The following UNC93A variants were observed in gnomAD, a reference collection of about 807,000 sequenced individuals.
UNC93A encodes unc-93 homolog A.
Under a neutral mutation model 47.5 loss-of-function variants are expected in UNC93A, and 43 were observed. That is an observed-to-expected ratio of 0.91 (90% CI 0.71 to 1.17). The LOEUF is 1.17. Among genes scored for constraint, UNC93A ranks in the 50% most tolerant of loss-of-function variants. The pLI, the probability that UNC93A is intolerant of heterozygous loss-of-function variation, is 0.00. For synonymous variants in UNC93A, 280 were observed against 258.0 expected (o/e 1.09, Z -0.82); for missense variants, 605 against 577.6 (o/e 1.05, Z -0.49).
Position 167,305,962 on chromosome 6 carries a change from G to C in UNC93A, c.888G>C (p.Met296Ile). Residue 296 changes from methionine (M) to isoleucine (I), a missense_variant, in exon 6 of 8, where the codon ATG becomes ATC. By Grantham distance (10) the Met-to-Ile change is conservative. Coordinates refer to ENST00000230256, the MANE Select transcript of UNC93A (RefSeq NM_018974.4). ...GCATCCAGTTCGTCGGCTACGTGATGATCTGCTTCTCGGCCACTGACGCGC... is the reference window on the plus strand; with the variant it reads ...GCATCCAGTTCGTCGGCTACGTGATCATCTGCTTCTCGGCCACTGACGCGC... ...TLGIQFVGYVMICFSATDALC... is the reference protein window; with the variant it reads ...TLGIQFVGYVIICFSATDALC... 1 of 1,614,198 alleles carries C rather than the reference G, an allele frequency of 6.2e-7. No individual in the cohort carries two copies. Among genetic ancestry groups the C allele is most frequent in the Non-Finnish European group, 8.5e-7 (1 of 1,180,050 alleles).
chr6:167,276,172 A>T (rs1783540158), intron 1 of UNC93A, among the ~76,000 whole-genome samples: 1 of 151,634 alleles, frequency 6.6e-6, no homozygotes, highest in Non-Finnish European at 1.5e-5. Flanking sequence ...TCATGTGGCC[A>T]CAATGACAGG....
Position 167,296,095 on chromosome 6 carries a change from G to A in UNC93A, c.333G>A (p.Gln111=). 1 of 1,614,240 alleles carries A rather than the reference G, an allele frequency of 6.2e-7. No homozygotes were observed. The highest frequency in any genetic ancestry group is 8.5e-7 in the Non-Finnish European group (1 of 1,180,050). The change falls in exon 3 of 8, where the codon CAG becomes CAA. Residue 111 remains glutamine (Q), a synonymous_variant. Coordinates refer to ENST00000230256, the MANE Select transcript of UNC93A (RefSeq NM_018974.4). ...GLGAAPLWSA[Q]CTYLTITGNT... is the part of the protein sequence containing the mutation. Reference sequence around the variant, plus strand: ...GGGCCGCCCCGCTGTGGTCTGCACAGTGCACATACCTCACGATCACGGGAA... The same window carrying A: ...GGGCCGCCCCGCTGTGGTCTGCACAATGCACATACCTCACGATCACGGGAA...
In UNC93A at chr6:167,315,350, G is replaced by C. The variant is rs148062483; in HGVS notation, c.1272G>C (p.Ala424=). ...LLGVLSLTMV[A]YGLVECVESK... Reference sequence around the variant, plus strand: ...GGGTCCTGAGCCTGACCATGGTGGCGTATGGGCTTGTGGAGTGCGTGGAGT... The same window carrying C: ...GGGTCCTGAGCCTGACCATGGTGGCCTATGGGCTTGTGGAGTGCGTGGAGT... The change falls in exon 8 of 8, where the codon GCG becomes GCC. Residue 424 remains alanine, a synonymous_variant. Transcript: ENST00000230256. 1.2e-6 allele frequency: 2 copies of C among 1,613,930 alleles called. No individual in the cohort carries two copies. The highest frequency in any genetic ancestry group is 1.7e-6 in the Non-Finnish European group (2 of 1,179,872).
rs34534324 is a variant in UNC93A at position 167,307,846 on chromosome 6, A to T, written c.1044A>T (p.Ala348=). ...GGAGACCTCGTGCTGACCATCTGGC[A>T]GTGTTCTTCGTATTCTCTGGCCTGT... ...LLWRPRADHL[A]VFFVFSGLWG... The change falls in exon 7 of 8, where the codon GCA becomes GCT. Residue 348 remains alanine, a synonymous_variant. Transcript: ENST00000230256. 8,445 of 1,614,016 alleles carry T rather than the reference A, an allele frequency of 5.2e-3. 422 individuals carry two copies. In the African/African-American group the frequency reaches 0.097, roughly 19 times the overall value.
chr6:167,269,334 G>T (rs775663904), upstream of UNC93A, among the ~76,000 whole-genome samples: 1 of 152,236 alleles, frequency 6.6e-6, no homozygotes, highest in African/African-American at 2.4e-5. Context: ...GTTTTGTGTA[G>T]TGCCTCACTG....
At chr6:167,301,261 G>T (rs114179944) in intron 4 of UNC93A, among the ~76,000 whole-genome samples, 1 of 152,204 alleles carries the variant, frequency 6.6e-6, no homozygotes, top group Admixed American at 6.5e-5. Flanking sequence ...GCCCCATCTC[G>T]GTTCACGGAA....
intron 4 of UNC93A, among the ~76,000 whole-genome samples, chr6:167,300,401 G>A (rs1291812903): frequency 6.6e-6 from 1 of 152,164 alleles, no homozygotes; most frequent in Non-Finnish European, 1.5e-5. Flanking sequence ...AGGACACCAG[G>A]GTTGTAGAAT....
chr6:167,294,470 C>T (rs200719243), intron 1 of UNC93A, 47 bp from the exon 2 acceptor site: 260 of 1,603,632 alleles, frequency 1.6e-4, no homozygotes, highest in Non-Finnish European at 1.9e-4. Flanking sequence ...TGCCTCATCC[C>T]GCTGTGTCCA....
Position 167,314,955 on chromosome 6 carries a change from C to T in UNC93A, c.1109-232C>T, listed in dbSNP as rs749432134. Among the ~76,000 whole-genome samples, 15 of 152,272 alleles carry T rather than the reference C, an allele frequency of 9.9e-5. No homozygotes were observed. In the East Asian group the frequency reaches 1.2e-3, roughly 12 times the overall value. On this transcript the variant is annotated intron_variant, in intron 7 of 7. Transcript: ENST00000230256. ...GTCAGGACCTCCTGAGGCTGTGTCACGGGCACCGGTCCTCAACCTGGGCAA... is the reference window on the plus strand; with the variant it reads ...GTCAGGACCTCCTGAGGCTGTGTCATGGGCACCGGTCCTCAACCTGGGCAA...
In UNC93A at chr6:167,294,690, C is replaced by T. The variant is rs773758433; in HGVS notation, c.261C>T (p.Phe87=). ...GYVAFSVGNF[F]ASWYTLIPTS... ...TGGCCTTCTCCGTGGGCAACTTCTT[C>T]GCCAGCTGGTACGCAGCCACCACCC... is the stretch of plus-strand genomic sequence containing the variant. Residue 87 remains phenylalanine (F), a synonymous_variant, in exon 2 of 8, where the codon TTC becomes TTT. Transcript: ENST00000230256. 11 of 1,593,546 alleles carry T rather than the reference C, an allele frequency of 6.9e-6. No homozygotes were observed. The highest frequency in any genetic ancestry group is 1.7e-4 in the Middle Eastern group (1 of 6,002).
chr6:167,301,816 T>C (rs549235715), intron 4 of UNC93A, among the ~76,000 whole-genome samples: 11 of 152,226 alleles, frequency 7.2e-5, no homozygotes, highest in African/African-American at 2.6e-4. Flanking sequence ...CTTTTCCACA[T>C]GGTCTACACA....
At chr6:167,310,171 C>A (rs1471552835) in intron 7 of UNC93A, among the ~76,000 whole-genome samples, 1 of 152,224 alleles carries the variant, frequency 6.6e-6, no homozygotes, top group African/African-American at 2.4e-5. Context: ...ACTGAGCTCC[C>A]CAAATGCACA....
intron 4 of UNC93A, among the ~76,000 whole-genome samples, chr6:167,299,962 C>T (rs1055856246): frequency 1.8e-4 from 28 of 152,114 alleles, no homozygotes; most frequent in African/African-American, 6.0e-4. Context: ...CCACTGAGGA[C>T]GGAGTGCTGA....
intron 6 of UNC93A, 124 bp downstream of exon 6, chr6:167,306,174 T>G (rs1224212661): frequency 7.7e-7 from 1 of 1,302,918 alleles, no homozygotes; most frequent in East Asian, 2.5e-5. Flanking sequence ...AGTAACGCCC[T>G]GTAAGATGCA....
At chr6:167,297,510 A>T (rs190892863) in intron 3 of UNC93A, among the ~76,000 whole-genome samples, 1 of 152,328 alleles carries the variant, frequency 6.6e-6, no homozygotes, top group East Asian at 1.9e-4. Flanking sequence ...TCAAAAACAG[A>T]AAAGTTATGA....
chr6:167,313,350 A>C (rs913319138), intron 7 of UNC93A, among the ~76,000 whole-genome samples: 2 of 152,134 alleles, frequency 1.3e-5, no homozygotes, highest in African/African-American at 4.8e-5. Context: ...AACCAGAGTC[A>C]GAGAATGTCA....
At chr6:167,281,236 A>G (rs932442268) in intron 1 of UNC93A, among the ~76,000 whole-genome samples, 11 of 151,974 alleles carry the variant, frequency 7.2e-5, no homozygotes, top group Non-Finnish European at 1.5e-5. Flanking sequence ...GCCCACCAAG[A>G]GAAGCCTAAG....
At chr6:167,286,703 T>C (rs953703864), upstream of UNC93A, among the ~76,000 whole-genome samples, 1 of 151,882 alleles carries the variant, frequency 6.6e-6, no homozygotes, top group Non-Finnish European at 1.5e-5. Flanking sequence ...ATCAGCCGGG[T>C]GCTGTGGCTC....
At chr6:167,279,208 C>G (rs183168815) in intron 1 of UNC93A, among the ~76,000 whole-genome samples, 47 of 152,272 alleles carry the variant, frequency 3.1e-4, no homozygotes, top group African/African-American at 1.1e-3. Flanking sequence ...AACTATTTTA[C>G]AACTCTTTGA....
Sources: allele counts gnomAD v4.1 joint callset (sites outside exome capture counted in the v4.1 genomes callset), GRCh38; gene constraint gnomAD v4.1.1; transcripts MANE v1.5; gene names NCBI Gene and HGNC (gene_info 2026-07-23, HGNC 2026-07-21).